Variants in ZMYND11 observed in about 807,000 individuals in gnomAD.
ZMYND11 encodes the protein zinc finger MYND domain-containing protein 11.
A neutral mutation model predicts 84.9 loss-of-function variants in ZMYND11; 9 were observed. The observed-to-expected ratio is 0.11, with a 90% CI of 0.06 to 0.18. The LOEUF is 0.18. ZMYND11 is among the 10% of genes least tolerant of loss of function. The probability of loss-of-function intolerance (pLI) is 1.00; values close to 1 mark genes in which losing one functional copy is unlikely to be tolerated. For synonymous variants in ZMYND11, 250 were observed against 244.1 expected (o/e 1.02, Z -0.23); for missense variants, 409 against 761.0 (o/e 0.54, Z 5.44).
chr10:193,270 G>A (rs1489942950), intron 2 of ZMYND11, among the ~76,000 whole-genome samples: 1 of 152,076 alleles, frequency 6.6e-6, no homozygotes, highest in East Asian at 1.9e-4. Context: ...TAGTAAGTCT[G>A]CCTTTTGCTT....
chr10:198,029 G>A (rs921205636), intron 2 of ZMYND11: 5 of 590,242 alleles, frequency 8.5e-6, no homozygotes, highest in African/African-American at 7.5e-5. Flanking sequence ...TAAAAAGTTG[G>A]TAAAATTTGG....
At chr10:133,268 A>C (rs1170760307), upstream of ZMYND11, among the ~76,000 whole-genome samples, 2 of 152,256 alleles carry the variant, frequency 1.3e-5, no homozygotes, top group African/African-American at 4.8e-5. Context: ...CTAGTGAATT[A>C]GAATAGCTGT....
At position 224,788 on chromosome 10, in the gene ZMYND11, C is replaced by A. The variant is rs534243088; in HGVS notation, c.438+3432C>A. Among the ~76,000 whole-genome samples, 8 of 152,216 alleles carry A rather than the reference C, an allele frequency of 5.3e-5. No individual in the cohort carries two copies. The South Asian group carries it at 1.2e-3, about 24-fold the overall frequency. ...AGAGGGCATGCTGTAACTTATGTGA[C>A]CAGTTCCTCATGTAGCAGGTGTTCA... On this transcript the variant is annotated intron_variant, in intron 4 of 14. Transcript: ENST00000381604.
chr10:208,223 G>C (rs2131235961), intron 2 of ZMYND11, among the ~76,000 whole-genome samples: 2 of 152,312 alleles, frequency 1.3e-5, no homozygotes, highest in African/African-American at 2.4e-5. Context: ...TTACCATTCA[G>C]GACATAGGCA....
chr10:242,493 C>T (rs1318815791), intron 10 of ZMYND11, among the ~76,000 whole-genome samples: 2 of 152,086 alleles, frequency 1.3e-5, no homozygotes, highest in East Asian at 1.9e-4. Context: ...CAGCCATCTT[C>T]AAGGCTCAGT....
chr10:153,339 TATC>T (rs1216437454), intron 1 of ZMYND11, among the ~76,000 whole-genome samples: 3 of 152,332 alleles, frequency 2.0e-5, no homozygotes, highest in East Asian at 1.9e-4. Flanking sequence ...AATGTTAACA[TATC>T]ATCTGTTTCT....
chr10:239,892 C>T, intron 7 of ZMYND11, 164 bp from the exon 8 acceptor site: 1 of 581,044 alleles, frequency 1.7e-6, no homozygotes, highest in Non-Finnish European at 3.0e-6. Context: ...GGATGGAAAA[C>T]AAAAGCTGCC....
intron 2 of ZMYND11, among the ~76,000 whole-genome samples, chr10:196,210 C>T (rs1355933905): frequency 6.6e-6 from 1 of 152,142 alleles, no homozygotes; most frequent in African/African-American, 2.4e-5. Flanking sequence ...AAAGAATATC[C>T]TAATCACATG....
chr10:220,039 C>A (rs987346135), intron 3 of ZMYND11, among the ~76,000 whole-genome samples: 1 of 152,078 alleles, frequency 6.6e-6, no homozygotes, highest in South Asian at 2.1e-4. Context: ...CAGATATGGT[C>A]AAGCAGTAAC....
intron 1 of ZMYND11, among the ~76,000 whole-genome samples, chr10:145,333 T>C (rs945044387): frequency 6.6e-6 from 1 of 152,056 alleles, no homozygotes; most frequent in African/African-American, 2.4e-5. Flanking sequence ...ATCTTTGCAA[T>C]TGTGAATTGT....
At chr10:183,530 T>C (rs1692568167) in intron 2 of ZMYND11, among the ~76,000 whole-genome samples, 1 of 152,224 alleles carries the variant, frequency 6.6e-6, no homozygotes, top group Admixed American at 6.5e-5. Flanking sequence ...TCATCCAATC[T>C]ATCTTTCCTT....
intron 4 of ZMYND11, among the ~76,000 whole-genome samples, chr10:227,342 A>G (rs1399061969): frequency 6.6e-6 from 1 of 152,216 alleles, no homozygotes; most frequent in African/African-American, 2.4e-5. Context: ...GACTTTAAAA[A>G]TGGACTCAGG....
chr10:207,738 T>G (rs1420647047), intron 2 of ZMYND11, among the ~76,000 whole-genome samples: 1 of 152,124 alleles, frequency 6.6e-6, no homozygotes, highest in Non-Finnish European at 1.5e-5. Context: ...AATTTATAGA[T>G]TCAATGCCAT....
At chr10:241,072 T>C (rs535282452) in intron 9 of ZMYND11, 102 bp downstream of exon 9, 558 of 865,386 alleles carry the variant, frequency 6.4e-4, no homozygotes, top group Admixed American at 2.4e-3. Context: ...TTTTAAAATA[T>C]CATAGTATAT....
At chr10:248,739 C>G (rs558665424) in intron 13 of ZMYND11, 131 bp downstream of exon 13, 1 of 1,391,450 alleles carries the variant, frequency 7.2e-7, no homozygotes, top group African/African-American at 1.5e-5. Flanking sequence ...GTATCTTTTA[C>G]AGCATTTCAA....
intron 3 of ZMYND11, among the ~76,000 whole-genome samples, chr10:214,994 G>A (rs1038849000): frequency 6.6e-6 from 1 of 152,110 alleles, no homozygotes; most frequent in Non-Finnish European, 1.5e-5. Flanking sequence ...ATACACTAAG[G>A]CAGGTCACCT....
At chr10:151,499 A>C (rs533028209) in intron 1 of ZMYND11, among the ~76,000 whole-genome samples, 1 of 152,318 alleles carries the variant, frequency 6.6e-6, no homozygotes, top group African/African-American at 2.4e-5. Context: ...ATAAATCCAC[A>C]AGAGGAGTTT....
chr10:183,373 G>C (rs1011660450), intron 2 of ZMYND11, among the ~76,000 whole-genome samples: 5 of 152,040 alleles, frequency 3.3e-5, no homozygotes, highest in Non-Finnish European at 7.4e-5. Context: ...GCTGCATCTG[G>C]TGGCTTGGGG....
At chr10:166,929 G>C (rs1554764050) in intron 1 of ZMYND11, among the ~76,000 whole-genome samples, 2 of 152,084 alleles carry the variant, frequency 1.3e-5, no homozygotes, top group Non-Finnish European at 2.9e-5. Flanking sequence ...AAGAAATAAA[G>C]TACTGGCACG....
Sources: gnomAD v4.1 joint callset for allele counts (sites outside exome capture counted in the v4.1 genomes callset) on GRCh38, gnomAD v4.1.1 for gene constraint, MANE v1.5 for transcripts, NCBI Gene and HGNC (gene_info 2026-07-23, HGNC 2026-07-21) for gene names.